The following MED1 variants were observed in gnomAD, a reference collection of about 807,000 sequenced individuals.
MED1 encodes mediator complex subunit 1, also known as mediator of RNA polymerase II transcription subunit 1.
A neutral mutation model predicts 121.3 loss-of-function variants in MED1; 17 were observed. That is an observed-to-expected ratio of 0.14 (90% confidence interval 0.10 to 0.21). The LOEUF (loss-of-function observed/expected upper bound fraction) is 0.21, where lower values mean the gene tolerates loss of function less well. Ranked by LOEUF, MED1 falls within the 10% of genes least tolerant of loss-of-function variation. The pLI is 1.00. For missense variants in MED1, 1,558 were observed against 1,919.4 expected (o/e 0.81, Z 3.52); for synonymous variants, 661 against 694.4 (o/e 0.95, Z 0.76).
intron 9 of MED1, among the ~76,000 whole-genome samples, chr17:39,429,702 T>TA (rs757034804): frequency 0.62 from 30,336 of 48,868 alleles, 9,791 homozygotes; most frequent in South Asian, 0.81. Flanking sequence ...CCTAAATGCC[T>TA]AAAAAAAAAA....
chr17:39,449,246 T>G (rs2048758713), intron 1 of MED1, among the ~76,000 whole-genome samples: 1 of 152,156 alleles, frequency 6.6e-6, no homozygotes, highest in African/African-American at 2.4e-5. Flanking sequence ...AGTGGCATGA[T>G]TCTGGCTCAC....
At chr17:39,428,044 C>T (rs1206846165) in intron 9 of MED1, among the ~76,000 whole-genome samples, 1 of 151,872 alleles carries the variant, frequency 6.6e-6, no homozygotes, top group Non-Finnish European at 1.5e-5. Context: ...CAGTCAGACT[C>T]CACCTCTAAA....
intron 16 of MED1, among the ~76,000 whole-genome samples, chr17:39,412,007 A>G (rs1172667285): frequency 4.0e-5 from 1 of 24,998 alleles, no homozygotes; most frequent in Admixed American, 5.4e-4. Context: ...ACTCCATCTC[A>G]AAAAAAAAAA....
At position 39,405,115 on chromosome 17, in the gene MED1, A is replaced by G; in HGVS notation, c.*2360T>C. 2 of 1,271,308 alleles carry G rather than the reference A, an allele frequency of 1.6e-6. No individual in the cohort carries two copies. Among genetic ancestry groups the G allele is most frequent in the Non-Finnish European group, 2.1e-6 (2 of 947,956 alleles). The allele number at this position is 1,271,308 out of a possible 1,614,324, so 78.8% of individuals were successfully genotyped here. ...CACCTAGACAGGAGGGAGGTGTCCC[A>G]GGCTTGGTTTATTCTGCCTCTTCTC... On this transcript the variant is annotated 3_prime_UTR_variant, in exon 17 of 17. Transcript: ENST00000300651.
Position 39,406,426 on chromosome 17 carries a change from C to A in MED1, c.*1049G>T. ...TGCAAACAAAATGCTGGGATGCAGA[C>A]TTTTGGCACATTGTGGAAGTAGGAG... On this transcript the variant is annotated 3_prime_UTR_variant, in exon 17 of 17. Transcript: ENST00000300651. 1.0e-6 allele frequency: 1 copy of A among 985,348 alleles called. No individual in the cohort carries two copies. 61.0% of individuals were successfully genotyped at this position (985,348 alleles called of 1,614,324 possible). A position where few individuals can be genotyped will look rare whatever the true frequency, so the allele number is the denominator to read the frequency against.
At position 39,410,569 on chromosome 17, in the gene MED1, G is replaced by T. The variant is rs142144834; in HGVS notation, c.1652C>A (p.Thr551Asn). ...PPASSPGYGMTTGNNPMSGTT... is the reference protein window; with the variant it reads ...PPASSPGYGMNTGNNPMSGTT... ...ACCACTCATTGGGTTGTTGCCTGTG[G>T]TCATGCCATACCCTGGGCTGCTAGC... Residue 551 changes from threonine to asparagine, a missense_variant, in exon 17 of 17, where the codon ACC (threonine) becomes AAC (asparagine). This residue lies in a region of MED1 where 50 missense variants were observed against 134.5 expected (regional missense o/e 0.37). Coordinates refer to ENST00000300651, the MANE Select transcript of MED1 (RefSeq NM_004774.4). The T allele has an allele frequency of 5.6e-5, 91 of 1,614,098 alleles. No individual in the cohort carries two copies. The African/African-American group carries it at 1.1e-3, about 19-fold the overall frequency.
At position 39,419,643 on chromosome 17, in the gene MED1, G is replaced by T. The variant is rs1357890777; in HGVS notation, c.1297+74C>A. ...TTTAAGTTCTACAGGTGATTCTGAT[G>T]GGCCACCAATTAAAGAACCACTGGA... On this transcript the variant is annotated intron_variant, in intron 14 of 16. Transcript: ENST00000300651. 2.8e-6 allele frequency: 4 copies of T among 1,425,860 alleles called. No individual in the cohort carries two copies. In the African/African-American group the frequency reaches 4.3e-5, roughly 15 times the overall value. 88.3% of individuals were successfully genotyped at this position (1,425,860 alleles called of 1,614,324 possible). A position where few individuals can be genotyped will look rare whatever the true frequency, so the allele number is the denominator to read the frequency against.
chr17:39,430,571 T>C (rs1398732787), intron 9 of MED1, among the ~76,000 whole-genome samples: 1 of 151,436 alleles, frequency 6.6e-6, no homozygotes, highest in African/African-American at 2.4e-5. Context: ...CGGGCGCCTG[T>C]AGTCCCAGCT....
At chr17:39,447,773 T>A in intron 2 of MED1, 25 bp downstream of exon 2, 1 of 1,527,790 alleles carries the variant, frequency 6.5e-7, no homozygotes, top group Non-Finnish European at 9.1e-7. Flanking sequence ...GCAAAACACT[T>A]TACCCACTTC....
chr17:39,434,392 A>G, intron 6 of MED1, 72 bp from the exon 7 acceptor site: 1 of 769,244 alleles, frequency 1.3e-6, no homozygotes, highest in Non-Finnish European at 2.1e-6. Flanking sequence ...TCTTACAACA[A>G]AGTGCCAAAA....
At chr17:39,418,789 A>AT (rs71147329) in intron 14 of MED1, among the ~76,000 whole-genome samples, 88,240 of 142,328 alleles carry the variant, frequency 0.62, 29,386 homozygotes, top group South Asian at 0.88. Flanking sequence ...AGCATCTGTG[A>AT]TTTTTTTTTT....
intron 13 of MED1, among the ~76,000 whole-genome samples, chr17:39,422,947 C>G (rs1195718765): frequency 7.0e-6 from 1 of 142,140 alleles, no homozygotes; most frequent in East Asian, 2.2e-4. Flanking sequence ...CTCACTGCAA[C>G]CTCTGCCTCC....
At chr17:39,418,486 T>C (rs1286289243) in intron 14 of MED1, among the ~76,000 whole-genome samples, 2 of 151,636 alleles carry the variant, frequency 1.3e-5, no homozygotes, top group African/African-American at 2.4e-5. Context: ...AAAGCTGTTA[T>C]CATGCCACTG....
Position 39,406,542 on chromosome 17 carries a change from C to G in MED1, c.*933G>C, listed in dbSNP as rs375809384. ...CTGCATCTGAAAACATGTTTACATC[C>G]CAACAAGCCACCTTAGCTTTTTTTT... On this transcript the variant is annotated 3_prime_UTR_variant, in exon 17 of 17. Coordinates refer to ENST00000300651, the MANE Select transcript of MED1 (RefSeq NM_004774.4). 101 of 985,186 alleles carry G rather than the reference C, an allele frequency of 1.0e-4. No homozygotes were observed. The African/African-American group carries it at 1.7e-3, about 17-fold the overall frequency. 61.0% of individuals were successfully genotyped at this position (985,186 alleles called of 1,614,324 possible).
chr17:39,410,747 T>C, intron 16 of MED1, 26 bp from the exon 17 acceptor site: 1 of 1,566,794 alleles, frequency 6.4e-7, no homozygotes, highest in Non-Finnish European at 8.7e-7. Flanking sequence ...GAAAACAAAG[T>C]TAACATTGCA....
chr17:39,425,527 G>A (rs1297087092), intron 10 of MED1, among the ~76,000 whole-genome samples: 1 of 152,162 alleles, frequency 6.6e-6, no homozygotes, highest in Non-Finnish European at 1.5e-5. Context: ...AATCAGGCCA[G>A]GTGTGATGGC....
intron 6 of MED1, among the ~76,000 whole-genome samples, chr17:39,437,209 G>A (rs1213725464): frequency 6.6e-6 from 1 of 152,182 alleles, no homozygotes; most frequent in Non-Finnish European, 1.5e-5. Flanking sequence ...TGGGATTACA[G>A]GCATGAGCCA....
intron 3 of MED1, among the ~76,000 whole-genome samples, chr17:39,441,742 C>A (rs2048676854): frequency 6.6e-6 from 1 of 151,982 alleles, no homozygotes; most frequent in South Asian, 2.1e-4. Flanking sequence ...CCACTGCACT[C>A]CAGCCTGGGT....
At chr17:39,430,976 G>T in intron 9 of MED1, 139 bp downstream of exon 9, 1 of 699,938 alleles carries the variant, frequency 1.4e-6, no homozygotes, top group Non-Finnish European at 2.4e-6. Flanking sequence ...CCGAGATCAT[G>T]CCACTGCACT....
Sources: allele counts gnomAD v4.1 joint callset (sites outside exome capture counted in the v4.1 genomes callset), GRCh38; gene constraint gnomAD v4.1.1; regional missense constraint gnomAD v4.1.1; transcripts MANE v1.5; gene names NCBI Gene and HGNC (gene_info 2026-07-23, HGNC 2026-07-21).